Variants in PSD3 observed in about 807,000 individuals in gnomAD.
PSD3 encodes PH and SEC7 domain-containing protein 3.
PSD3 carries 49 observed loss-of-function variants against 105.5 expected under a neutral mutation model. The ratio of observed to expected loss-of-function variants is 0.46; its 90% CI spans 0.37 to 0.59. The LOEUF (loss-of-function observed/expected upper bound fraction) is 0.59, where lower values mean the gene tolerates loss of function less well. PSD3 is among the 20% of genes least tolerant of loss of function. The pLI, the probability that PSD3 is intolerant of heterozygous loss-of-function variation, is 0.00. For synonymous variants in PSD3, 557 were observed against 457.8 expected (o/e 1.22, Z -2.77); for missense variants, 1,561 against 1,263.8 (o/e 1.24, Z -3.57).
chr8:18,580,164 A>G (rs909573564), intron 12 of PSD3, among the ~76,000 whole-genome samples: 1 of 152,168 alleles, frequency 6.6e-6, no homozygotes, highest in African/African-American at 2.4e-5. Context: ...CAACATGTAA[A>G]AGAGCACAGA....
chr8:18,669,684 G>C (rs1585565401), intron 9 of PSD3, among the ~76,000 whole-genome samples: 1 of 152,322 alleles, frequency 6.6e-6, no homozygotes, highest in East Asian at 1.9e-4. Context: ...CTTATGAAAT[G>C]TTTGTCTCTA....
chr8:18,741,680 T>C (rs1280927278), intron 9 of PSD3, among the ~76,000 whole-genome samples: 1 of 151,996 alleles, frequency 6.6e-6, no homozygotes, highest in Non-Finnish European at 1.5e-5. Context: ...GCTAAGATTA[T>C]CCGTCCTATC....
chr8:18,940,269 G>A (rs1422965980), intron 1 of PSD3: 5 of 152,196 alleles, frequency 3.3e-5, no homozygotes, highest in Admixed American at 2.6e-4. Context: ...GTACTCTGTT[G>A]TATATACGAA....
At chr8:18,646,866 T>C (rs11985625) in intron 10 of PSD3, among the ~76,000 whole-genome samples, 3,921 of 152,210 alleles carry the variant, frequency 0.026, 162 homozygotes, top group African/African-American at 0.088. Flanking sequence ...CTAGAAGGCT[T>C]CTTTACTCGG....
intron 9 of PSD3, among the ~76,000 whole-genome samples, chr8:18,678,601 T>G (rs987514801): frequency 2.0e-5 from 3 of 152,212 alleles, no homozygotes; most frequent in African/African-American, 7.2e-5. Context: ...CGCCTGAGGT[T>G]GGGAGTTCAA....
intron 1 of PSD3, among the ~76,000 whole-genome samples, chr8:19,068,947 C>A (rs995812852): frequency 6.6e-6 from 1 of 151,936 alleles, no homozygotes; most frequent in South Asian, 2.1e-4. Context: ...TTCTACCATG[C>A]CCTGTCACTG....
chr8:18,649,340 T>C (rs948766524), intron 10 of PSD3, among the ~76,000 whole-genome samples: 1 of 152,128 alleles, frequency 6.6e-6, no homozygotes, highest in African/African-American at 2.4e-5. Context: ...TCAAAGCAGG[T>C]TATTATTGGA....
intron 2 of PSD3, among the ~76,000 whole-genome samples, chr8:18,909,987 C>G (rs953889571): frequency 1.4e-4 from 22 of 152,282 alleles, no homozygotes; most frequent in Non-Finnish European, 2.6e-4. Flanking sequence ...CCAATTATAA[C>G]AGAGAAGGAA....
At chr8:18,600,314 T>C (rs1480990140) in intron 12 of PSD3, 50 bp downstream of exon 12, 11 of 1,471,740 alleles carry the variant, frequency 7.5e-6, no homozygotes, top group Middle Eastern at 1.8e-4. Flanking sequence ...CTGGACCTCA[T>C]GTAATTATTT....
intron 1 of PSD3, among the ~76,000 whole-genome samples, chr8:18,985,083 G>A (rs1418051756): frequency 2.0e-5 from 3 of 152,090 alleles, no homozygotes; most frequent in African/African-American, 7.2e-5. Context: ...GCAGGTGCCC[G>A]CCACCACACC....
intron 12 of PSD3, among the ~76,000 whole-genome samples, chr8:18,596,382 TA>T (rs1332517968): frequency 1.3e-5 from 2 of 151,428 alleles, no homozygotes; most frequent in African/African-American, 4.9e-5. Flanking sequence ...CAATAAAGAT[TA>T]GAGCAGAAAT....
chr8:18,623,814 C>T (rs1806295284), intron 11 of PSD3, among the ~76,000 whole-genome samples: 1 of 152,078 alleles, frequency 6.6e-6, no homozygotes, highest in African/African-American at 2.4e-5. Context: ...CCAGAAGTAA[C>T]AACCATTCTA....
At chr8:18,693,209 G>A (rs1466355071) in intron 9 of PSD3, among the ~76,000 whole-genome samples, 5 of 152,174 alleles carry the variant, frequency 3.3e-5, no homozygotes, top group Non-Finnish European at 2.9e-5. Context: ...AATCAGACCA[G>A]CTTGACACAT....
chr8:18,850,616 G>A (rs1815486854), intron 4 of PSD3, among the ~76,000 whole-genome samples: 1 of 152,086 alleles, frequency 6.6e-6, no homozygotes, highest in South Asian at 2.1e-4. Context: ...TTTAAAAGGA[G>A]GCAAAAATTG....
At chr8:18,978,531 A>G (rs1028600255) in intron 1 of PSD3, among the ~76,000 whole-genome samples, 8 of 152,118 alleles carry the variant, frequency 5.3e-5, no homozygotes, top group Non-Finnish European at 1.2e-4. Flanking sequence ...TCTCCTTAAC[A>G]TCTCTCCATA....
rs143776137 is a variant in PSD3, at chr8:18,908,828, A to C, written c.130+27206T>G. On this transcript the variant is annotated intron_variant, in intron 2 of 15. Coordinates refer to ENST00000327040, the MANE Select transcript of PSD3 (RefSeq NM_015310.4). The stretch of plus-strand genomic sequence containing the variant: ...AAATACTCCATAATTATGTGCAGAA[A>C]TTAGTTAAACGTCATTATTTCCTGC... Among the ~76,000 whole-genome samples, 75 of 152,364 alleles carry C rather than the reference A, an allele frequency of 4.9e-4. No individual in the cohort carries two copies. The East Asian group carries it at 0.012, about 24-fold the overall frequency.
intron 12 of PSD3, among the ~76,000 whole-genome samples, chr8:18,576,769 T>A (rs960556691): frequency 6.6e-6 from 1 of 152,026 alleles, no homozygotes; most frequent in Non-Finnish European, 1.5e-5. Context: ...TGAGGAGAAA[T>A]GATGAGGGCC....
At chr8:18,845,462 C>T (rs1011487661) in intron 4 of PSD3, among the ~76,000 whole-genome samples, 1 of 152,206 alleles carries the variant, frequency 6.6e-6, no homozygotes, top group African/African-American at 2.4e-5. Context: ...CTTCCAGGTG[C>T]ATAGCACGGC....
intron 9 of PSD3, among the ~76,000 whole-genome samples, chr8:18,660,657 C>T (rs537640830): frequency 6.6e-6 from 1 of 152,284 alleles, no homozygotes; most frequent in South Asian, 2.1e-4. Flanking sequence ...TGTCCTAGAT[C>T]TACCACATCA....
Sources: gnomAD v4.1 joint callset for allele counts (sites outside exome capture counted in the v4.1 genomes callset) on GRCh38, gnomAD v4.1.1 for gene constraint, MANE v1.5 for transcripts, NCBI Gene and HGNC (gene_info 2026-07-23, HGNC 2026-07-21) for gene names.